TRIM29: variants seen among roughly 807,000 people sequenced by gnomAD.
TRIM29 encodes the protein tripartite motif-containing protein 29.
In TRIM29, 52 loss-of-function variants were observed where a neutral mutation model predicts 57.3. The observed-to-expected ratio is 0.91, with a 90% CI of 0.73 to 1.14. The LOEUF is 1.14. TRIM29 is among the 50% of genes most tolerant of loss of function. The pLI is 0.00. For synonymous variants in TRIM29, 319 were observed against 316.9 expected (o/e 1.01, Z -0.07); for missense variants, 753 against 774.6 (o/e 0.97, Z 0.33).
At chr11:120,135,429 A>G (rs1264329437) in intron 1 of TRIM29, among the ~76,000 whole-genome samples, 3 of 152,166 alleles carry the variant, frequency 2.0e-5, no homozygotes, top group African/African-American at 7.2e-5. Flanking sequence ...ACAGCCTTAC[A>G]GTTAGTTAGA....
Position 120,122,968 on chromosome 11 carries a change from T to A in TRIM29, c.1421A>T (p.Tyr474Phe). The A allele has an allele frequency of 6.2e-7, 1 of 1,613,974 alleles. No individual in the cohort carries two copies. Among genetic ancestry groups the A allele is most frequent in the Non-Finnish European group, 8.5e-7 (1 of 1,179,894 alleles). Residue 474 changes from tyrosine (Y) to phenylalanine (F), a missense_variant, in exon 5 of 9, where the codon TAC becomes TTC. By Grantham distance (22) the Tyr-to-Phe change is conservative. Coordinates refer to ENST00000341846, the MANE Select transcript of TRIM29 (RefSeq NM_012101.4). Reference protein sequence around the residue: ...APDTMKRYSMYLTPKGGVRTS... With the variant: ...APDTMKRYSMFLTPKGGVRTS... Reference sequence around the variant, plus strand: ...CTCCCTCTTACCTTTGGGTGTCAGGTACATGGAGTATCTCTTCATGGTGTC... The same window carrying A: ...CTCCCTCTTACCTTTGGGTGTCAGGAACATGGAGTATCTCTTCATGGTGTC...
intron 1 of TRIM29, among the ~76,000 whole-genome samples, chr11:120,132,198 C>T (rs1052284678): frequency 7.3e-5 from 11 of 151,550 alleles, no homozygotes; most frequent in African/African-American, 2.7e-4. Flanking sequence ...TTTGGCAGTT[C>T]CATCTCTTTC....
intron 1 of TRIM29, chr11:120,128,989 G>A (rs1290522263): frequency 5.5e-5 from 65 of 1,190,164 alleles, no homozygotes; most frequent in South Asian, 1.3e-4. Context: ...GGTTGCCGCC[G>A]GCGTGGACTC....
At position 120,112,098 on chromosome 11, in the gene TRIM29, C is replaced by T; in HGVS notation, c.*316G>A. 2.8e-6 allele frequency: 1 copy of T among 356,200 alleles called. No homozygotes were observed. Among genetic ancestry groups the T allele is most frequent in the East Asian group, 8.1e-5 (1 of 12,368 alleles). The allele number at this position is 356,200 out of a possible 1,614,324, so 22.1% of individuals were successfully genotyped here. ...GGGTACTCACTGCTAGCCCCCAGAT[C>T]CAGCCCGAGAGGAGGAGGCTGGCGG... On this transcript the variant is annotated 3_prime_UTR_variant, in exon 9 of 9. Transcript: ENST00000341846.
intron 3 of TRIM29, 133 bp from the exon 4 acceptor site, chr11:120,126,022 G>T (rs1260264357): frequency 1.2e-6 from 1 of 866,850 alleles, no homozygotes; most frequent in Non-Finnish European, 1.7e-6. Flanking sequence ...CTGGATGTTT[G>T]TTTCTTCTGT....
chr11:120,112,378 G>A lies in TRIM29; in HGVS notation c.*36C>T, dbSNP rs1455649821. ...AAGAGCAGCAGGGTCAGGAGGAAGA[G>A]CAGGGGTGTGGCGCCTCGTTCCTTC... On this transcript the variant is annotated 3_prime_UTR_variant, in exon 9 of 9. Coordinates refer to ENST00000341846, the MANE Select transcript of TRIM29 (RefSeq NM_012101.4). 2 of 1,611,366 alleles carry A rather than the reference G, an allele frequency of 1.2e-6. No individual in the cohort carries two copies. The highest frequency in any genetic ancestry group is 1.7e-5 in the Admixed American group (1 of 59,952).
intron 1 of TRIM29, among the ~76,000 whole-genome samples, chr11:120,130,985 G>A (rs1345783904): frequency 6.6e-6 from 1 of 152,206 alleles, no homozygotes; most frequent in African/African-American, 2.4e-5. Flanking sequence ...GTGAGGTCAA[G>A]ACACTGGGCT....
At chr11:120,125,386 T>C (rs1054169308) in intron 4 of TRIM29, 1 of 399,402 alleles carries the variant, frequency 2.5e-6, no homozygotes, top group African/African-American at 2.0e-5. Flanking sequence ...GATGTAGATC[T>C]GAACGAAACC....
chr11:120,130,093 A>T (rs1007553811), intron 1 of TRIM29, among the ~76,000 whole-genome samples: 6 of 151,922 alleles, frequency 3.9e-5, no homozygotes, highest in African/African-American at 1.5e-4. Context: ...CGACCCTCAC[A>T]CTCTCTGACG....
At chr11:120,135,678 G>T (rs1370548214) in intron 1 of TRIM29, among the ~76,000 whole-genome samples, 2 of 152,140 alleles carry the variant, frequency 1.3e-5, no homozygotes, top group Non-Finnish European at 2.9e-5. Flanking sequence ...GCCAAACGAG[G>T]CTTCTGGAAG....
At chr11:120,116,471 C>T (rs938864063) in intron 7 of TRIM29, 1 of 152,572 alleles carries the variant, frequency 6.6e-6, no homozygotes, top group East Asian at 1.9e-4. Flanking sequence ...TCCTGCCCTG[C>T]TCTAAGCGAG....
intron 5 of TRIM29, chr11:120,121,389 CA>C (rs1266108031): frequency 6.3e-6 from 1 of 157,654 alleles, no homozygotes; most frequent in East Asian, 1.9e-4. Flanking sequence ...ACTCAGGACC[CA>C]GTCCCTTTAG....
At chr11:120,121,874 G>T in intron 5 of TRIM29, 1 of 411,846 alleles carries the variant, frequency 2.4e-6, no homozygotes, top group Non-Finnish European at 5.0e-6. Flanking sequence ...CAGGGCCAGG[G>T]CGAGGCCAGG....
At chr11:120,123,167 A>G in intron 4 of TRIM29, 112 bp from the exon 5 acceptor site, 1 of 847,880 alleles carries the variant, frequency 1.2e-6, no homozygotes, top group Non-Finnish European at 2.0e-6. Context: ...CCTATCTCCC[A>G]GGCAGATCCA....
chr11:120,114,694 T>C (rs1487685721), intron 8 of TRIM29, among the ~76,000 whole-genome samples: 1 of 152,136 alleles, frequency 6.6e-6, no homozygotes, highest in African/African-American at 2.4e-5. Context: ...GCACTGGGGA[T>C]CATCTCAGTC....
rs149876966 is a variant in TRIM29 at position 120,117,630 on chromosome 11, G to A, written c.1627+593C>T. The stretch of plus-strand genomic sequence containing the variant: ...GGCCCATAGCCAGAGTCTGGTTCAA[G>A]CCTGCCCCCTCAGGATGCCCCCAAC... On this transcript the variant is annotated intron_variant, in intron 7 of 8. Coordinates refer to ENST00000341846, the MANE Select transcript of TRIM29 (RefSeq NM_012101.4). 3.2e-3 allele frequency: 510 copies of A among 158,204 alleles called. 6 individuals are homozygous for A. The highest frequency in any genetic ancestry group is 0.01 in the African/African-American group (433 of 41,578). 9.8% of individuals were successfully genotyped at this position (158,204 alleles called of 1,614,324 possible). A position where few individuals can be genotyped will look rare whatever the true frequency, so the allele number is the denominator to read the frequency against.
rs537115486 is a variant in TRIM29, at chr11:120,128,466, C to T, written c.834G>A (p.Leu278=). The T allele has an allele frequency of 3.9e-4, 625 of 1,612,068 alleles. 6 individuals carry two copies. The South Asian group carries it at 6.6e-3, about 17-fold the overall frequency. The change falls in exon 2 of 9, where the codon CTG becomes CTA. Residue 278 remains leucine, a synonymous_variant. Transcript: ENST00000341846. ...CCTCAATCTCAATGATCTTGAGCTGCAGCTGCTCCTTTTGCAATGACAGCT... is the reference window on the plus strand; with the variant it reads ...CCTCAATCTCAATGATCTTGAGCTGTAGCTGCTCCTTTTGCAATGACAGCT... The part of the protein sequence containing the change: ...ETELSLQKEQ[L]QLKIIEIEDE...
intron 5 of TRIM29, chr11:120,121,897 G>A (rs928815145): frequency 6.8e-6 from 3 of 438,180 alleles, no homozygotes; most frequent in Non-Finnish European, 1.4e-5. Context: ...GGGGTTCTGA[G>A]GAGAGGGGTG....
rs901715023 is a variant in TRIM29, at chr11:120,112,275, A to G, written c.*139T>C. On this transcript the variant is annotated 3_prime_UTR_variant, in exon 9 of 9. Coordinates refer to ENST00000341846, the MANE Select transcript of TRIM29 (RefSeq NM_012101.4). Reference sequence around the variant, plus strand: ...CGGAGAGGCCGGAACTGCCCCCAAGAGGCTGGCAGAGGGCTGCAGAGGGCA... The same window carrying G: ...CGGAGAGGCCGGAACTGCCCCCAAGGGGCTGGCAGAGGGCTGCAGAGGGCA... 1.1e-5 allele frequency: 10 copies of G among 951,370 alleles called. No individual in the cohort carries two copies. Among genetic ancestry groups the G allele is most frequent in the African/African-American group, 3.3e-5 (2 of 59,762 alleles). The allele number at this position is 951,370 out of a possible 1,614,324, so 58.9% of individuals were successfully genotyped here.
Sources: allele counts gnomAD v4.1 joint callset (sites outside exome capture counted in the v4.1 genomes callset), GRCh38; gene constraint gnomAD v4.1.1; transcripts MANE v1.5; gene names NCBI Gene and HGNC (gene_info 2026-07-23, HGNC 2026-07-21).